Variants in FAR1 observed in about 807,000 individuals in gnomAD.
FAR1 encodes male sterility domain-containing protein 2.
In FAR1, 22 loss-of-function variants were observed where a neutral mutation model predicts 61.1. The ratio of observed to expected loss-of-function variants is 0.36; its 90% CI spans 0.26 to 0.51. The LOEUF (loss-of-function observed/expected upper bound fraction) is 0.51, where lower values mean the gene tolerates loss of function less well. Among genes scored for constraint, FAR1 ranks in the 20% least tolerant of loss-of-function variants. The pLI, the probability that FAR1 is intolerant of heterozygous loss-of-function variation, is 0.95. For missense variants in FAR1, 359 were observed against 626.9 expected (o/e 0.57, Z 4.56); for synonymous variants, 206 against 209.7 (o/e 0.98, Z 0.15).
chr11:13,686,002 A>G (rs1216943116), intron 1 of FAR1, among the ~76,000 whole-genome samples: 2 of 152,134 alleles, frequency 1.3e-5, no homozygotes, highest in Non-Finnish European at 2.9e-5. Flanking sequence ...CTTCTCTTCT[A>G]GCGCTGTGCA....
Position 13,694,927 on chromosome 11 carries a change from G to A in FAR1, c.162G>A (p.Glu54=). The change falls in exon 2 of 12, where the codon GAG becomes GAA. Residue 54 remains glutamate, a synonymous_variant. Coordinates refer to ENST00000354817, the MANE Select transcript of FAR1 (RefSeq NM_032228.6). Reference sequence around the variant, plus strand: ...AGAAAGCTGGACAGACACCACAAGAGCGAGTGGAAGAAGTCCTTAGTGGCA... The same window carrying A: ...AGAAAGCTGGACAGACACCACAAGAACGAGTGGAAGAAGTCCTTAGTGGCA... ...VRQKAGQTPQ[E]RVEEVLSGKL... 6.2e-7 allele frequency: 1 copy of A among 1,613,050 alleles called. No homozygotes were observed. Among genetic ancestry groups the A allele is most frequent in the Middle Eastern group, 1.7e-4 (1 of 6,056 alleles).
chr11:13,714,811 C>G, intron 9 of FAR1, 131 bp downstream of exon 9: 1 of 748,752 alleles, frequency 1.3e-6, no homozygotes, highest in Non-Finnish European at 1.9e-6. Flanking sequence ...TGAGAAGCCT[C>G]TTGAATTTAA....
rs371946955 is a variant in FAR1, at chr11:13,673,414, G to A, written c.-8+4608G>A. ...ATGTGAATACCATATTACAGATGAGGAGAGTGAGACTCAGAGAAGTTAGTA... is the reference window on the plus strand; with the variant it reads ...ATGTGAATACCATATTACAGATGAGAAGAGTGAGACTCAGAGAAGTTAGTA... On this transcript the variant is annotated intron_variant, in intron 1 of 11. Transcript: ENST00000354817. Among the ~76,000 whole-genome samples, 21 of 152,312 alleles carry A rather than the reference G, an allele frequency of 1.4e-4. No individual in the cohort carries two copies. In the East Asian group the frequency reaches 1.9e-3, roughly 14 times the overall value.
chr11:13,700,250 T>A, intron 2 of FAR1, 67 bp from the exon 3 acceptor site: 1 of 1,177,514 alleles, frequency 8.5e-7, no homozygotes. Flanking sequence ...GGGAAAAAAA[T>A]GGTGATAATG....
At chr11:13,682,236 CAAT>C (rs1361426811) in intron 1 of FAR1, among the ~76,000 whole-genome samples, 2 of 152,150 alleles carry the variant, frequency 1.3e-5, no homozygotes, top group African/African-American at 4.8e-5. Flanking sequence ...GTGTCAGTAA[CAAT>C]AGTAGTAGTG....
chr11:13,670,335 C>T (rs779793801), intron 1 of FAR1, among the ~76,000 whole-genome samples: 17 of 152,134 alleles, frequency 1.1e-4, no homozygotes, highest in Non-Finnish European at 2.4e-4. Flanking sequence ...GTTGCCCAGG[C>T]TGGAGTGCAG....
intron 1 of FAR1, among the ~76,000 whole-genome samples, chr11:13,681,662 C>T (rs1173314282): frequency 1.3e-5 from 2 of 152,218 alleles, no homozygotes; most frequent in Admixed American, 6.5e-5. Flanking sequence ...GAAGCCCAAA[C>T]TATCTCATGG....
At chr11:13,728,053 A>C (rs949060534) in intron 11 of FAR1, among the ~76,000 whole-genome samples, 21 of 151,868 alleles carry the variant, frequency 1.4e-4, no homozygotes, top group African/African-American at 5.1e-4. Flanking sequence ...CATTTTTCTT[A>C]CATTGCCGTC....
chr11:13,714,572 TA>T lies in FAR1; in HGVS notation c.1022del (p.Asn341IlefsTer2). On this transcript the variant is annotated frameshift_variant, in exon 9 of 12. Transcript: ENST00000354817. LOFTEE classifies it high-confidence loss of function. ...GAACAGGCCTTCAGACGGCCCAATG[TA>T]AATCTAACCTCCAATCATCTTTTAT... is the stretch of plus-strand genomic sequence containing the variant. ...PLEQAFRRPN[V>X]NLTSNHLLYH... 1 of 1,613,564 alleles carries T rather than the reference TA, an allele frequency of 6.2e-7. No homozygotes were observed. Among genetic ancestry groups the T allele is most frequent in the Non-Finnish European group, 8.5e-7 (1 of 1,179,682 alleles).
rs1848607302 is a variant in FAR1 at position 13,721,289 on chromosome 11, A to G, written c.1128-441A>G. The G allele has an allele frequency of 7.9e-6, 1 of 127,076 alleles. No individual in the cohort carries two copies. The highest frequency in any genetic ancestry group is 1.8e-5 in the Non-Finnish European group (1 of 54,550). The allele number at this position is 127,076 out of a possible 1,614,324, so 7.9% of individuals were successfully genotyped here. ...TCAGCAGTGCTGAAGAGTTGGAATTATAAATATAACACAGTATGTTATTAA... is the reference window on the plus strand; with the variant it reads ...TCAGCAGTGCTGAAGAGTTGGAATTGTAAATATAACACAGTATGTTATTAA... On this transcript the variant is annotated intron_variant, in intron 9 of 11. Coordinates refer to ENST00000354817, the MANE Select transcript of FAR1 (RefSeq NM_032228.6). The surrounding 1 kb of genome is among the most constrained non-coding windows in gnomAD (Gnocchi z 4.2).
chr11:13,701,193 G>C (rs1377408884), intron 3 of FAR1, among the ~76,000 whole-genome samples: 1 of 152,034 alleles, frequency 6.6e-6, no homozygotes, highest in Non-Finnish European at 1.5e-5. Flanking sequence ...TTAAAATGGT[G>C]TAGACTTGGT....
chr11:13,720,650 ATTT>A (rs148779115), intron 9 of FAR1: 2 of 151,106 alleles, frequency 1.3e-5, no homozygotes, highest in African/African-American at 4.9e-5. Flanking sequence ...TACTTTTTTG[ATTT>A]TTTTCTCCTT....
At chr11:13,720,202 T>G (rs909336524) in intron 9 of FAR1, 1 of 152,184 alleles carries the variant, frequency 6.6e-6, no homozygotes, top group African/African-American at 2.4e-5. Context: ...AATCTGAAGA[T>G]AAGATTAGGT....
intron 1 of FAR1, among the ~76,000 whole-genome samples, chr11:13,672,023 A>G (rs1448832891): frequency 6.6e-6 from 1 of 152,198 alleles, no homozygotes; most frequent in Non-Finnish European, 1.5e-5. Context: ...TTAGCAACAA[A>G]GTATATAGCT....
chr11:13,711,291 G>C (rs1468954855), intron 5 of FAR1, among the ~76,000 whole-genome samples: 1 of 152,120 alleles, frequency 6.6e-6, no homozygotes, highest in Non-Finnish European at 1.5e-5. Context: ...TGGGTCAATT[G>C]ATTTAGGCAA....
intron 1 of FAR1, among the ~76,000 whole-genome samples, chr11:13,681,155 G>A (rs190881044): frequency 3.3e-4 from 50 of 152,226 alleles, no homozygotes; most frequent in African/African-American, 1.1e-3. Flanking sequence ...TGAAATTCTC[G>A]TTCAGTAGAT....
In FAR1 at chr11:13,729,387, G is replaced by C. The variant is rs1369701811; in HGVS notation, c.*613G>C. On this transcript the variant is annotated 3_prime_UTR_variant, in exon 12 of 12. Transcript: ENST00000354817. ...CATATCATTTTTCTATAAGTAATCAGTTGCTTTTAAAATCAGAAGGCTATA... is the reference window on the plus strand; with the variant it reads ...CATATCATTTTTCTATAAGTAATCACTTGCTTTTAAAATCAGAAGGCTATA... 6.6e-6 allele frequency: 1 copy of C among 151,770 alleles called. No individual in the cohort carries two copies. The highest frequency in any genetic ancestry group is 1.5e-5 in the Non-Finnish European group (1 of 67,810). The allele number at this position is 151,770 out of a possible 1,614,324, so 9.4% of individuals were successfully genotyped here. A position where few individuals can be genotyped will look rare whatever the true frequency, so the allele number is the denominator to read the frequency against.
At chr11:13,685,902 CTGT>C (rs1413366377) in intron 1 of FAR1, among the ~76,000 whole-genome samples, 1 of 152,206 alleles carries the variant, frequency 6.6e-6, no homozygotes, top group East Asian at 1.9e-4. Context: ...GTGGAGACTG[CTGT>C]TGTTTCCTCC....
intron 1 of FAR1, among the ~76,000 whole-genome samples, chr11:13,670,312 T>A (rs953776169): frequency 6.6e-6 from 1 of 150,908 alleles, no homozygotes; most frequent in Non-Finnish European, 1.5e-5. Flanking sequence ...TTTGTGTGTG[T>A]GTGTCTCGCT....
Sources: allele counts gnomAD v4.1 joint callset (sites outside exome capture counted in the v4.1 genomes callset), GRCh38; gene constraint gnomAD v4.1.1; non-coding constraint Gnocchi (gnomAD v3.1); transcripts MANE v1.5; gene names NCBI Gene and HGNC (gene_info 2026-07-23, HGNC 2026-07-21).